Variants in NAA16 observed in about 807,000 individuals in gnomAD.
NAA16 encodes the protein N-alpha-acetyltransferase 16, NatA auxiliary subunit, also known as NARG1-like protein.
A neutral mutation model predicts 110.3 loss-of-function variants in NAA16; 97 were observed. That is an observed-to-expected ratio of 0.88 (90% confidence interval 0.75 to 1.04). The LOEUF is 1.04. NAA16 is among the 50% of genes least tolerant of loss of function. The probability of loss-of-function intolerance (pLI) is 0.00; values close to 1 mark genes in which losing one functional copy is unlikely to be tolerated. For synonymous variants in NAA16, 372 were observed against 330.6 expected (o/e 1.13, Z -1.36); for missense variants, 1,017 against 1,005.1 (o/e 1.01, Z -0.16).
At chr13:41,314,819 C>G (rs1406239925) in intron 1 of NAA16, among the ~76,000 whole-genome samples, 9 of 151,960 alleles carry the variant, frequency 5.9e-5, no homozygotes, top group Admixed American at 3.9e-4. Flanking sequence ...GACTTCATCT[C>G]TACCAAAAAT....
chr13:41,312,994 T>G (rs1341961172), intron 1 of NAA16, among the ~76,000 whole-genome samples: 3 of 152,154 alleles, frequency 2.0e-5, no homozygotes, highest in Non-Finnish European at 4.4e-5. Flanking sequence ...AATTTTTTTT[T>G]GCCCTGGGAA....
intron 9 of NAA16, among the ~76,000 whole-genome samples, chr13:41,339,090 A>G (rs1411046692): frequency 6.6e-6 from 1 of 150,552 alleles, no homozygotes; most frequent in Non-Finnish European, 1.5e-5. Flanking sequence ...TTTAGAATGT[A>G]GTACAGTTGC....
At chr13:41,368,982 A>G in intron 14 of NAA16, 108 bp from the exon 15 acceptor site, 2 of 900,166 alleles carry the variant, frequency 2.2e-6, no homozygotes, top group South Asian at 2.1e-5. Flanking sequence ...TCATGAACCA[A>G]TCCCCCACTG....
intron 1 of NAA16, among the ~76,000 whole-genome samples, chr13:41,314,031 C>G (rs987133578): frequency 1.3e-5 from 2 of 152,044 alleles, no homozygotes; most frequent in African/African-American, 4.8e-5. Flanking sequence ...TACTTGGACT[C>G]TGGGGACAGA....
At chr13:41,350,705 C>T (rs866494244) in intron 9 of NAA16, among the ~76,000 whole-genome samples, 1 of 150,762 alleles carries the variant, frequency 6.6e-6, no homozygotes, top group East Asian at 2.0e-4. Context: ...ACTGCAATCT[C>T]CACCTCCTGG....
At position 41,320,850 on chromosome 13, in the gene NAA16, A is replaced by C; in HGVS notation, c.402+26A>C. 4 of 1,561,874 alleles carry C rather than the reference A, an allele frequency of 2.6e-6. No individual in the cohort carries two copies. In the Middle Eastern group the frequency reaches 6.0e-4, roughly 234 times the overall value. ...GTAAGTACTTCATTCTTAAATGTAC[A>C]TGATTTTACAGTAGACAAAATTTAA... is the stretch of plus-strand genomic sequence containing the variant. On this transcript the variant is annotated intron_variant, in intron 4 of 19. Coordinates refer to ENST00000379406, the MANE Select transcript of NAA16 (RefSeq NM_024561.5).
chr13:41,311,710 C>T (rs866638584), intron 1 of NAA16, 128 bp downstream of exon 1: 23 of 863,790 alleles, frequency 2.7e-5, no homozygotes, highest in African/African-American at 7.2e-5. Context: ...TTGTTTACCT[C>T]GGAGGTCGCG....
rs745349226 is a variant in NAA16, at chr13:41,355,176, T to C, written c.1047T>C (p.Tyr349=). 21 of 1,590,876 alleles carry C rather than the reference T, an allele frequency of 1.3e-5. No homozygotes were observed. The highest frequency in any genetic ancestry group is 4.6e-5 in the South Asian group (4 of 86,824). The change falls in exon 10 of 20, where the codon TAT becomes TAC. Residue 349 remains tyrosine, a synonymous_variant. Coordinates refer to ENST00000379406, the MANE Select transcript of NAA16 (RefSeq NM_024561.5). Reference sequence around the variant, plus strand: ...TAATCCAGGAACTTGTTACTAATTATGAAGCCTCTCTTAAAACGTGTGACT... The same window carrying C: ...TAATCCAGGAACTTGTTACTAATTACGAAGCCTCTCTTAAAACGTGTGACT... ...VSIIQELVTN[Y]EASLKTCDFF... is the part of the protein sequence containing the mutation.
chr13:41,319,313 T>C (rs1042952246), intron 3 of NAA16, among the ~76,000 whole-genome samples: 1 of 152,212 alleles, frequency 6.6e-6, no homozygotes. Flanking sequence ...TAATCATATG[T>C]TAAAATTTGT....
chr13:41,358,990 ATTGTCTAAATTAAGACAGTTTGTGAAGT>A (rs751819496), intron 12 of NAA16, 28 bp downstream of exon 12: 39 of 1,553,542 alleles, frequency 2.5e-5, no homozygotes, highest in South Asian at 3.5e-5. Context: ...TGAGCATGTA[ATTGTCTAAATTAAGACAGTTTGTGAAGT>A]TTGTCTAAAT....
chr13:41,364,664 C>T lies in NAA16; in HGVS notation c.1539+2505C>T, dbSNP rs114442111. 1.2e-3 allele frequency among the ~76,000 whole-genome samples: 176 copies of T among 151,070 alleles called. 1 individual carries two copies. The highest frequency in any genetic ancestry group is 3.8e-3 in the African/African-American group (156 of 41,150). ...CTGACTTAGATATGAAACAGGGCAA[C>T]GATACATATATTTCTAACTCTTTGA... On this transcript the variant is annotated intron_variant, in intron 13 of 19. Transcript: ENST00000379406.
chr13:41,342,282 C>T (rs1200287886), intron 9 of NAA16, among the ~76,000 whole-genome samples: 3 of 152,208 alleles, frequency 2.0e-5, no homozygotes, highest in Admixed American at 6.5e-5. Flanking sequence ...GGACTACAGG[C>T]GCACACTGCC....
In NAA16 at chr13:41,325,584, G is replaced by A. The variant is rs184284983; in HGVS notation, c.538-114G>A. The A allele has an allele frequency of 2.3e-3, 1,250 of 544,254 alleles. 4 individuals are homozygous for A. The highest frequency in any genetic ancestry group is 1.5e-3 in the Non-Finnish European group (497 of 323,168). 33.7% of individuals were successfully genotyped at this position (544,254 alleles called of 1,614,324 possible). A position where few individuals can be genotyped will look rare whatever the true frequency, so the allele number is the denominator to read the frequency against. On this transcript the variant is annotated intron_variant, in intron 5 of 19. Coordinates refer to ENST00000379406, the MANE Select transcript of NAA16 (RefSeq NM_024561.5). ...ATCACTCTTCTGTTTGTATCTGCTT[G>A]TGGGTTGCTTTCTTGTTTATGTGAA...
In NAA16 at chr13:41,357,583, G is replaced by A. The variant is rs182286360; in HGVS notation, c.1088-721G>A. On this transcript the variant is annotated intron_variant, in intron 10 of 19. Transcript: ENST00000379406. ...TGCTAGGAAACCTGTTTGTTTTGATGTAGTGTGGGTATATTCACTCTTTCC... is the reference window on the plus strand; with the variant it reads ...TGCTAGGAAACCTGTTTGTTTTGATATAGTGTGGGTATATTCACTCTTTCC... Among the ~76,000 whole-genome samples the A allele has an allele frequency of 2.5e-3, 379 of 152,250 alleles. 2 individuals carry two copies. Among genetic ancestry groups the A allele is most frequent in the Non-Finnish European group, 2.9e-3 (194 of 68,018 alleles).
In NAA16 at chr13:41,375,401, C is replaced by T. The variant is rs1291927142; in HGVS notation, c.2398-4C>T. 2 of 1,600,504 alleles carry T rather than the reference C, an allele frequency of 1.2e-6. No individual in the cohort carries two copies. Among genetic ancestry groups the T allele is most frequent in the East Asian group, 4.5e-5 (2 of 44,688 alleles). On this transcript the variant is annotated splice_region_variant and splice_polypyrimidine_tract_variant and intron_variant, in intron 19 of 19. Transcript: ENST00000379406. ...TAATTTGTGTTTTCCTTTTGTTTCA[C>T]TAGACATTAATAAAGGTTTCTGAAG...
intron 8 of NAA16, among the ~76,000 whole-genome samples, chr13:41,333,006 ATAT>A: frequency 6.6e-6 from 1 of 152,252 alleles, no homozygotes; most frequent in South Asian, 2.1e-4. Flanking sequence ...GTCCAAGTGG[ATAT>A]TAATAGGCTT....
intron 9 of NAA16, among the ~76,000 whole-genome samples, chr13:41,353,332 T>TTGGTGGAGAGGTTA (rs2042891344): frequency 6.6e-6 from 1 of 152,134 alleles, no homozygotes; most frequent in African/African-American, 2.4e-5. Context: ...CTAGGTGAGA[T>TTGGTGGAGAGGTTA]TGGTGGAGAG....
At position 41,369,046 on chromosome 13, in the gene NAA16, A is replaced by G. The variant is rs749155848; in HGVS notation, c.1754-44A>G. On this transcript the variant is annotated intron_variant, in intron 14 of 19. Transcript: ENST00000379406. ...TGTATTACAGAAGAATATGAAGAAA[A>G]TGCAAACATTGGCTCAGAATTTTGT... 4 of 1,511,084 alleles carry G rather than the reference A, an allele frequency of 2.6e-6. No homozygotes were observed. The South Asian group carries it at 5.4e-5, about 20-fold the overall frequency. The allele number at this position is 1,511,084 out of a possible 1,614,324, so 93.6% of individuals were successfully genotyped here.
At chr13:41,361,564 G>A (rs2043112152) in intron 12 of NAA16, among the ~76,000 whole-genome samples, 1 of 152,210 alleles carries the variant, frequency 6.6e-6, no homozygotes, top group Admixed American at 6.5e-5. Context: ...TTTATGAAGA[G>A]TGTTGACTAC....
Sources: allele counts gnomAD v4.1 joint callset (sites outside exome capture counted in the v4.1 genomes callset), GRCh38; gene constraint gnomAD v4.1.1; transcripts MANE v1.5; gene names NCBI Gene and HGNC (gene_info 2026-07-23, HGNC 2026-07-21).